MYO16: variants seen among roughly 807,000 people sequenced by gnomAD.
The protein encoded by MYO16 is unconventional myosin-XVI.
MYO16 carries 94 observed loss-of-function variants against 205.3 expected under a neutral mutation model. The ratio of observed to expected loss-of-function variants is 0.46; its 90% CI spans 0.39 to 0.54. The LOEUF is 0.54. Among genes scored for constraint, MYO16 ranks in the 20% least tolerant of loss-of-function variants. The probability of loss-of-function intolerance (pLI) is 0.00; values close to 1 mark genes in which losing one functional copy is unlikely to be tolerated. For synonymous variants in MYO16, 988 were observed against 954.0 expected (o/e 1.04, Z -0.66); for missense variants, 2,315 against 2,387.5 (o/e 0.97, Z 0.63).
intron 6 of MYO16, among the ~76,000 whole-genome samples, chr13:108,795,655 CA>C (rs1184066223): frequency 6.6e-6 from 1 of 152,112 alleles, no homozygotes; most frequent in Non-Finnish European, 1.5e-5. Flanking sequence ...TGAAAAATAA[CA>C]CATTCAAATG....
chr13:109,172,426 C>T (rs547766607), intron 33 of MYO16, among the ~76,000 whole-genome samples: 1 of 152,294 alleles, frequency 6.6e-6, no homozygotes, highest in Non-Finnish European at 1.5e-5. Flanking sequence ...TAAATAATTT[C>T]TAATTTGGAT....
chr13:108,889,845 C>T (rs995038450), intron 14 of MYO16, among the ~76,000 whole-genome samples: 16 of 152,322 alleles, frequency 1.1e-4, no homozygotes, highest in African/African-American at 3.4e-4. Context: ...GCCTGTCCAA[C>T]GAATTTCCTG....
At chr13:109,000,625 T>A (rs1234042751) in intron 21 of MYO16, among the ~76,000 whole-genome samples, 1 of 152,196 alleles carries the variant, frequency 6.6e-6, no homozygotes, top group Non-Finnish European at 1.5e-5. Context: ...AAACAAACTT[T>A]TTTTTGAAAA....
chr13:108,610,064 C>A (rs1405568783), intron 1 of MYO16, among the ~76,000 whole-genome samples: 1 of 152,132 alleles, frequency 6.6e-6, no homozygotes, highest in Non-Finnish European at 1.5e-5. Flanking sequence ...AGCTCTGGGA[C>A]TGACTGAGTG....
chr13:108,727,610 T>C (rs374451296), intron 4 of MYO16, 27 bp downstream of exon 4: 5 of 1,591,020 alleles, frequency 3.1e-6, no homozygotes, highest in Non-Finnish European at 4.3e-6. Context: ...AGTTTACCAT[T>C]TGAAGATTTG....
intron 33 of MYO16, among the ~76,000 whole-genome samples, chr13:109,172,358 G>A (rs956561533): frequency 1.3e-5 from 2 of 152,172 alleles, no homozygotes; most frequent in Non-Finnish European, 2.9e-5. Context: ...AACTCCTGGG[G>A]CATCGAGTAA....
At chr13:109,015,426 T>G (rs972949979) in intron 22 of MYO16, among the ~76,000 whole-genome samples, 1 of 152,172 alleles carries the variant, frequency 6.6e-6, no homozygotes, top group African/African-American at 2.4e-5. Flanking sequence ...AAATTGCCCT[T>G]TTTTGTTGTG....
At chr13:108,882,355 T>C (rs572628808) in intron 12 of MYO16, among the ~76,000 whole-genome samples, 1 of 152,286 alleles carries the variant, frequency 6.6e-6, no homozygotes, top group South Asian at 2.1e-4. Flanking sequence ...TGCCCTTGAC[T>C]CTCCTTCAGT....
chr13:108,883,705 A>T (rs1025029894), intron 13 of MYO16, among the ~76,000 whole-genome samples: 2 of 150,894 alleles, frequency 1.3e-5, no homozygotes, highest in African/African-American at 4.9e-5. Context: ...CATGATCACC[A>T]GTCACTGCAG....
At chr13:108,792,238 C>T (rs78991989) in intron 5 of MYO16, among the ~76,000 whole-genome samples, 4,733 of 152,186 alleles carry the variant, frequency 0.031, 93 homozygotes, top group Non-Finnish European at 0.045. Flanking sequence ...CTGTGGATTC[C>T]GCACTCAATA....
intron 3 of MYO16, among the ~76,000 whole-genome samples, chr13:108,721,005 A>T (rs982356458): frequency 6.6e-6 from 1 of 152,192 alleles, no homozygotes; most frequent in Non-Finnish European, 1.5e-5. Flanking sequence ...GAAAAAAAAA[A>T]TTGACAATGC....
chr13:108,796,466 A>AG (rs1251374034), intron 6 of MYO16, among the ~76,000 whole-genome samples: 1 of 152,212 alleles, frequency 6.6e-6, no homozygotes, highest in African/African-American at 2.4e-5. Flanking sequence ...ACACATGCAC[A>AG]GGTATGTTTA....
At chr13:108,944,924 A>G (rs1882876647) in intron 16 of MYO16, among the ~76,000 whole-genome samples, 1 of 152,158 alleles carries the variant, frequency 6.6e-6, no homozygotes, top group African/African-American at 2.4e-5. Flanking sequence ...AGTTTTTGCT[A>G]GGTCATAATA....
chr13:108,966,645 C>A (rs1022942005), intron 20 of MYO16, among the ~76,000 whole-genome samples: 2 of 152,108 alleles, frequency 1.3e-5, no homozygotes, highest in Non-Finnish European at 2.9e-5. Context: ...AGAGGTGAAT[C>A]AACACATTAG....
intron 23 of MYO16, among the ~76,000 whole-genome samples, chr13:109,023,733 A>T (rs571801078): frequency 8.3e-6 from 1 of 119,908 alleles, no homozygotes; most frequent in Admixed American, 9.0e-5. Context: ...ATATATGCAT[A>T]TATACATATA....
intron 6 of MYO16, among the ~76,000 whole-genome samples, chr13:108,795,740 C>A (rs1004024322): frequency 2.0e-5 from 3 of 152,058 alleles, no homozygotes; most frequent in Admixed American, 6.5e-5. Context: ...GACCAAAATT[C>A]TTTTGTCATG....
At chr13:109,063,189 C>T (rs1887642673) in intron 27 of MYO16, among the ~76,000 whole-genome samples, 1 of 152,184 alleles carries the variant, frequency 6.6e-6, no homozygotes, top group African/African-American at 2.4e-5. Flanking sequence ...GCTGTAATAA[C>T]TGTCCATCAT....
chr13:109,001,918 T>TTCTC (rs71125359), intron 21 of MYO16, among the ~76,000 whole-genome samples: 18 of 150,804 alleles, frequency 1.2e-4, no homozygotes, highest in East Asian at 5.8e-4. Flanking sequence ...ACACTATTCC[T>TTCTC]TCTCTCTCTC....
chr13:108,996,134 T>A (rs1360954449), intron 21 of MYO16, among the ~76,000 whole-genome samples: 1 of 152,180 alleles, frequency 6.6e-6, no homozygotes, highest in African/African-American at 2.4e-5. Context: ...CATGCACATG[T>A]ATGTTTATTG....
Sources: gnomAD v4.1 joint callset for allele counts (sites outside exome capture counted in the v4.1 genomes callset) on GRCh38, gnomAD v4.1.1 for gene constraint, MANE v1.5 for transcripts, NCBI Gene and HGNC (gene_info 2026-07-23, HGNC 2026-07-21) for gene names.